The following MXD1 variants were observed in gnomAD, a reference collection of about 807,000 sequenced individuals.
MXD1 encodes MAX dimerization protein 1.
Under a neutral mutation model 25.7 loss-of-function variants are expected in MXD1, and 9 were observed. That is an observed-to-expected ratio of 0.35 (90% CI 0.21 to 0.61). The LOEUF is 0.61. Among genes scored for constraint, MXD1 ranks in the 20% least tolerant of loss-of-function variants. The pLI, the probability that MXD1 is intolerant of heterozygous loss-of-function variation, is 0.75. For missense variants in MXD1, 227 were observed against 292.4 expected, an observed-to-expected ratio of 0.78 and a Z score of 1.63; for synonymous variants, 99 against 113.9, an observed-to-expected ratio of 0.87 and a Z score of 0.83.
Position 69,921,785 on chromosome 2 carries a change from G to C in MXD1, c.203+20G>C. The C allele has an allele frequency of 1.2e-6, 2 of 1,609,476 alleles. No homozygotes were observed. Among genetic ancestry groups the C allele is most frequent in the Non-Finnish European group, 1.7e-6 (2 of 1,177,760 alleles). ...GAATAGGTGAGTTGGGGATTTGGGA[G>C]GTGGAATGCGGGGAGCTTTGTTGCA... On this transcript the variant is annotated intron_variant, in intron 3 of 5. Coordinates refer to ENST00000264444, the MANE Select transcript of MXD1 (RefSeq NM_002357.4).
chr2:69,920,454 G>A (rs1384315382), intron 2 of MXD1, among the ~76,000 whole-genome samples: 1 of 152,126 alleles, frequency 6.6e-6, no homozygotes, highest in Non-Finnish European at 1.5e-5. Context: ...GAAGTTTAAT[G>A]CTAGGTTGGA....
Position 69,915,504 on chromosome 2 carries a change from C to T in MXD1, c.73+101C>T. On this transcript the variant is annotated intron_variant, in intron 1 of 5. Transcript: ENST00000264444. This position sits in a 1 kb window ranked among gnomAD's most constrained non-coding sequence, Gnocchi z 5.8. ...CAGCCGCTCCGGGGGTGGTTGGAGG[C>T]GGGGAGACCGCGAGCGCTCCCAACC... The T allele has an allele frequency of 1.0e-6, 1 of 986,930 alleles. No individual in the cohort carries two copies. Among genetic ancestry groups the T allele is most frequent in the African/African-American group, 1.7e-5 (1 of 59,474 alleles). 61.1% of individuals were successfully genotyped at this position (986,930 alleles called of 1,614,324 possible).
At chr2:69,929,187 C>G (rs1443502508) in intron 3 of MXD1, among the ~76,000 whole-genome samples, 1 of 152,250 alleles carries the variant, frequency 6.6e-6, no homozygotes, top group Non-Finnish European at 1.5e-5. Flanking sequence ...GCCACTGCGC[C>G]CGGCCCAGCC....
intron 3 of MXD1, 77 bp from the exon 4 acceptor site, chr2:69,935,274 T>C (rs1227394380): frequency 5.8e-6 from 6 of 1,037,138 alleles, no homozygotes; most frequent in Non-Finnish European, 7.5e-6. Context: ...TTCACACTCT[T>C]TGAGAACTCA....
At chr2:69,926,746 G>T (rs1410788502) in intron 3 of MXD1, among the ~76,000 whole-genome samples, 1 of 152,132 alleles carries the variant, frequency 6.6e-6, no homozygotes, top group Non-Finnish European at 1.5e-5. Flanking sequence ...TGATAATTCT[G>T]CTATTTCTTT....
chr2:69,939,050 T>G lies in MXD1; in HGVS notation c.*766T>G, dbSNP rs567093551. 3 of 152,736 alleles carry G rather than the reference T, an allele frequency of 2.0e-5. No homozygotes were observed. The highest frequency in any genetic ancestry group is 6.5e-5 in the Admixed American group (1 of 15,296). 9.5% of individuals were successfully genotyped at this position (152,736 alleles called of 1,614,324 possible). A position where few individuals can be genotyped will look rare whatever the true frequency, so the allele number is the denominator to read the frequency against. On this transcript the variant is annotated 3_prime_UTR_variant, in exon 6 of 6. Transcript: ENST00000264444. ...CGAGGCACATTCTCCCCTCCAACTT[T>G]GTTAATGCTACTTGTCTCTGGAACA...
chr2:69,934,031 A>G (rs1253475096), intron 3 of MXD1, among the ~76,000 whole-genome samples: 1 of 152,232 alleles, frequency 6.6e-6, no homozygotes, highest in Admixed American at 6.5e-5. Context: ...CTTAAAGTCT[A>G]GTTGAATAGA....
chr2:69,933,778 T>C (rs1012274049), intron 3 of MXD1, among the ~76,000 whole-genome samples: 3 of 152,234 alleles, frequency 2.0e-5, no homozygotes, highest in Non-Finnish European at 2.9e-5. Context: ...CTGAAGCCAT[T>C]TCCTTTCTTT....
At chr2:69,918,717 G>GT (rs774769051) in intron 2 of MXD1, among the ~76,000 whole-genome samples, 40 of 151,696 alleles carry the variant, frequency 2.6e-4, no homozygotes, top group East Asian at 1.4e-3. Context: ...ATTTGGCTTA[G>GT]TTTTTTTTTA....
intron 4 of MXD1, 110 bp from the exon 5 acceptor site, chr2:69,937,125 G>A (rs950256805): frequency 7.2e-7 from 1 of 1,396,438 alleles, no homozygotes; most frequent in African/African-American, 1.4e-5. Context: ...GGCACCGAAA[G>A]GCGTCTGAGG....
chr2:69,930,917 C>T (rs756480091), intron 3 of MXD1, among the ~76,000 whole-genome samples: 65 of 152,248 alleles, frequency 4.3e-4, no homozygotes, highest in African/African-American at 1.4e-3. Flanking sequence ...GCTTGTCACC[C>T]TCATTCTACT....
intron 5 of MXD1, among the ~76,000 whole-genome samples, chr2:69,937,814 A>C (rs950029540): frequency 6.6e-6 from 1 of 152,156 alleles, no homozygotes; most frequent in Non-Finnish European, 1.5e-5. Flanking sequence ...AGGTTTCACC[A>C]TATTGGCCAG....
At chr2:69,922,879 CAA>C (rs34830116) in intron 3 of MXD1, among the ~76,000 whole-genome samples, 4 of 115,072 alleles carry the variant, frequency 3.5e-5, no homozygotes, top group Non-Finnish European at 5.7e-5. Flanking sequence ...GACTCCGTCT[CAA>C]AAAAAAAAAA....
rs1156929921 is a variant in MXD1, at chr2:69,940,381, T to C, written c.*2097T>C. On this transcript the variant is annotated 3_prime_UTR_variant, in exon 6 of 6. Transcript: ENST00000264444. ...AGACCTCTCAAGCATTTTGTTTCATTGCTACATCCAAGCGCCTCACAAGTC... is the reference window on the plus strand; with the variant it reads ...AGACCTCTCAAGCATTTTGTTTCATCGCTACATCCAAGCGCCTCACAAGTC... The C allele has an allele frequency of 6.6e-6, 1 of 152,456 alleles. No homozygotes were observed. The highest frequency in any genetic ancestry group is 1.5e-5 in the Non-Finnish European group (1 of 68,034). The allele number at this position is 152,456 out of a possible 1,614,324, so 9.4% of individuals were successfully genotyped here.
chr2:69,921,827 T>C (rs1677069288), intron 3 of MXD1, 62 bp downstream of exon 3: 1 of 1,568,826 alleles, frequency 6.4e-7, no homozygotes, highest in African/African-American at 1.4e-5. Context: ...GTTCATGCAG[T>C]TCAAACTTGG....
intron 3 of MXD1, among the ~76,000 whole-genome samples, chr2:69,926,026 GT>G (rs1303522769): frequency 6.6e-5 from 10 of 152,100 alleles, no homozygotes; most frequent in African/African-American, 2.4e-4. Context: ...CTTTGACTCT[GT>G]GTGTCTCTTT....
chr2:69,933,829 A>T (rs2104201489), intron 3 of MXD1, among the ~76,000 whole-genome samples: 1 of 152,314 alleles, frequency 6.6e-6, no homozygotes, highest in Non-Finnish European at 1.5e-5. Context: ...TACAATTCTT[A>T]AGAGGAAAAA....
chr2:69,920,924 T>C (rs1319825565), intron 2 of MXD1, among the ~76,000 whole-genome samples: 4 of 152,224 alleles, frequency 2.6e-5, no homozygotes, highest in African/African-American at 9.6e-5. Context: ...ACTAATCATA[T>C]GGTTTCATAT....
intron 3 of MXD1, among the ~76,000 whole-genome samples, chr2:69,928,073 T>C (rs1426951726): frequency 6.6e-6 from 1 of 152,230 alleles, no homozygotes; most frequent in African/African-American, 2.4e-5. Context: ...AAGGGATTAA[T>C]TTTACAAGTC....
Sources: allele counts gnomAD v4.1 joint callset (sites outside exome capture counted in the v4.1 genomes callset), GRCh38; gene constraint gnomAD v4.1.1; non-coding constraint Gnocchi (gnomAD v3.1); transcripts MANE v1.5; gene names NCBI Gene and HGNC (gene_info 2026-07-23, HGNC 2026-07-21).